RUNX2: variants seen among roughly 807,000 people sequenced by gnomAD.
The protein encoded by RUNX2 is RUNX family transcription factor 2, also known as runt-related transcription factor 2.
A neutral mutation model predicts 51.7 loss-of-function variants in RUNX2; 10 were observed. The observed-to-expected ratio is 0.19, with a 90% CI of 0.12 to 0.33. The LOEUF (loss-of-function observed/expected upper bound fraction) is 0.33. Among genes scored for constraint, RUNX2 ranks in the 10% least tolerant of loss-of-function variants. RUNX2 has a pLI of 1.00. For synonymous variants in RUNX2, 276 were observed against 273.6 expected, an observed-to-expected ratio of 1.01 and a Z score of -0.09; for missense variants, 562 against 691.3, an observed-to-expected ratio of 0.81 and a Z score of 2.10.
At chr6:45,421,616 T>G (rs1798190623) in intron 2 of RUNX2, 2 of 152,216 alleles carry the variant, frequency 1.3e-5, no homozygotes, top group African/African-American at 4.8e-5. Context: ...GGCTCTCTGG[T>G]GTCTCGGCTT....
chr6:45,498,472 T>C (rs961559147), intron 6 of RUNX2, among the ~76,000 whole-genome samples: 3 of 152,226 alleles, frequency 2.0e-5, no homozygotes, highest in Non-Finnish European at 4.4e-5. Flanking sequence ...CTGTCCATTA[T>C]ACATTATTTA....
chr6:45,527,258 G>A (rs2150435476), intron 7 of RUNX2, among the ~76,000 whole-genome samples: 1 of 152,266 alleles, frequency 6.6e-6, no homozygotes, highest in East Asian at 1.9e-4. Flanking sequence ...AGTTATGCAG[G>A]GCCACTACAG....
intron 5 of RUNX2, among the ~76,000 whole-genome samples, chr6:45,441,308 A>G (rs1028225969): frequency 6.6e-5 from 10 of 152,176 alleles, no homozygotes; most frequent in African/African-American, 2.4e-4. Flanking sequence ...GAACAAGGAC[A>G]AATTCTGGGT....
At chr6:45,499,834 C>T (rs1800750588) in intron 6 of RUNX2, among the ~76,000 whole-genome samples, 1 of 152,174 alleles carries the variant, frequency 6.6e-6, no homozygotes, top group South Asian at 2.1e-4. Context: ...ACTCTCCATG[C>T]AGAGGAAGTC....
At chr6:45,338,595 A>C (rs1257468545) in intron 2 of RUNX2, among the ~76,000 whole-genome samples, 2 of 152,092 alleles carry the variant, frequency 1.3e-5, no homozygotes, top group East Asian at 3.9e-4. Context: ...GAATTTAGGA[A>C]GCTCTGAGGG....
At chr6:45,408,402 T>C (rs1212770195) in intron 2 of RUNX2, among the ~76,000 whole-genome samples, 2 of 152,082 alleles carry the variant, frequency 1.3e-5, no homozygotes, top group African/African-American at 4.8e-5. Context: ...GATTTGGGAA[T>C]TGATTCTCTT....
intron 5 of RUNX2, among the ~76,000 whole-genome samples, chr6:45,485,986 A>G (rs781524414): frequency 2.6e-5 from 4 of 152,106 alleles, no homozygotes; most frequent in Middle Eastern, 3.4e-3. Context: ...ATTGAATACA[A>G]TACTATCTAC....
At chr6:45,527,221 T>G (rs1801697496) in intron 7 of RUNX2, among the ~76,000 whole-genome samples, 1 of 151,700 alleles carries the variant, frequency 6.6e-6, no homozygotes, top group Non-Finnish European at 1.5e-5. Flanking sequence ...GTAGATGACA[T>G]GAAGTTAGAG....
rs1478907889 is a variant in RUNX2, at chr6:45,431,898, G to A, written c.459G>A (p.Val153=). The A allele has an allele frequency of 1.2e-6, 2 of 1,614,030 alleles. No individual in the cohort carries two copies. Among genetic ancestry groups the A allele is most frequent in the African/African-American group, 1.3e-5 (1 of 74,918 alleles). The stretch of plus-strand genomic sequence containing the variant: ...TCGGAGAGGTACCAGATGGGACTGT[G>A]GTTACTGTCATGGCGGGTAACGATG... ...VALGEVPDGT[V]VTVMAGNDEN... The change falls in exon 4 of 9, where the codon GTG becomes GTA. Residue 153 remains valine, a synonymous_variant. Coordinates refer to ENST00000647337, the MANE Select transcript of RUNX2 (RefSeq NM_001024630.4).
intron 5 of RUNX2, among the ~76,000 whole-genome samples, chr6:45,446,753 T>C (rs1426503271): frequency 5.3e-5 from 8 of 152,198 alleles, no homozygotes; most frequent in Admixed American, 5.2e-4. Flanking sequence ...CTAAAGAACA[T>C]CTTTGGCCTT....
At position 45,358,984 on chromosome 6, in the gene RUNX2, T is replaced by C. The variant is rs555309246; in HGVS notation, c.58+30200T>C. Reference sequence around the variant, plus strand: ...GTGAATTTTTACCTATTTTTCCCCATATAACTAAGGATTTTCATCACAGAA... The same window carrying C: ...GTGAATTTTTACCTATTTTTCCCCACATAACTAAGGATTTTCATCACAGAA... On this transcript the variant is annotated intron_variant, in intron 2 of 8. Coordinates refer to ENST00000647337, the MANE Select transcript of RUNX2 (RefSeq NM_001024630.4). Among the ~76,000 whole-genome samples the C allele has an allele frequency of 2.0e-5, 3 of 152,224 alleles. No homozygotes were observed. In the East Asian group the frequency reaches 5.8e-4, roughly 29 times the overall value.
Position 45,530,871 on chromosome 6 carries a change from G to T in RUNX2, c.1022-14346G>T, listed in dbSNP as rs183065002. Among the ~76,000 whole-genome samples, 300 of 152,296 alleles carry T rather than the reference G, an allele frequency of 2.0e-3. 1 individual carries two copies. Among genetic ancestry groups the T allele is most frequent in the Non-Finnish European group, 3.4e-3 (229 of 68,018 alleles). On this transcript the variant is annotated intron_variant, in intron 7 of 8. Transcript: ENST00000647337. The stretch of plus-strand genomic sequence containing the variant: ...AATTAAGTGCAGGGGAAGATGGGAA[G>T]AATTTTAGCAACTAACTCCAAAGGT...
At chr6:45,344,600 C>A (rs553241676) in intron 2 of RUNX2, among the ~76,000 whole-genome samples, 52 of 152,184 alleles carry the variant, frequency 3.4e-4, no homozygotes, top group Non-Finnish European at 7.4e-4. Flanking sequence ...TAAGAGGCCA[C>A]AAAAAGCTAT....
intron 2 of RUNX2, among the ~76,000 whole-genome samples, chr6:45,337,247 TATA>T (rs1176092140): frequency 1.3e-5 from 2 of 151,702 alleles, no homozygotes; most frequent in Non-Finnish European, 3.0e-5. Flanking sequence ...ATTTTGCAAT[TATA>T]ATGTGTGATA....
In RUNX2 at chr6:45,352,659, T is replaced by G. The variant is rs73735384; in HGVS notation, c.58+23875T>G. 7.2e-3 allele frequency among the ~76,000 whole-genome samples: 1,097 copies of G among 152,292 alleles called. 19 individuals carry two copies. The highest frequency in any genetic ancestry group is 0.025 in the African/African-American group (1,045 of 41,580). The stretch of plus-strand genomic sequence containing the variant: ...TACAAGTAGAGTACTATGGAGCAAC[T>G]GTACCTAGTATTCTGTTTATAAGTA... On this transcript the variant is annotated intron_variant, in intron 2 of 8. Coordinates refer to ENST00000647337, the MANE Select transcript of RUNX2 (RefSeq NM_001024630.4).
intron 5 of RUNX2, among the ~76,000 whole-genome samples, chr6:45,454,427 C>A (rs1352506757): frequency 6.6e-6 from 1 of 152,222 alleles, no homozygotes; most frequent in Non-Finnish European, 1.5e-5. Flanking sequence ...GGAAGGAAAT[C>A]TGATGATCTA....
intron 2 of RUNX2, among the ~76,000 whole-genome samples, chr6:45,388,738 C>T (rs1486006395): frequency 6.6e-6 from 1 of 152,144 alleles, no homozygotes; most frequent in Non-Finnish European, 1.5e-5. Context: ...TAAAAATCTA[C>T]TGGTTTCTCT....
At chr6:45,329,000 A>C (rs1182212174) in intron 2 of RUNX2, among the ~76,000 whole-genome samples, 1 of 152,020 alleles carries the variant, frequency 6.6e-6, no homozygotes, top group Non-Finnish European at 1.5e-5. Context: ...TGAAATATAC[A>C]AAATTAAATT....
At chr6:45,506,948 G>T (rs1800986961) in intron 6 of RUNX2, among the ~76,000 whole-genome samples, 2 of 151,482 alleles carry the variant, frequency 1.3e-5, no homozygotes, top group Admixed American at 6.6e-5. Flanking sequence ...GAGCCACCGT[G>T]CCTGGCAACA....
Sources: allele counts gnomAD v4.1 joint callset (sites outside exome capture counted in the v4.1 genomes callset), GRCh38; gene constraint gnomAD v4.1.1; transcripts MANE v1.5; gene names NCBI Gene and HGNC (gene_info 2026-07-23, HGNC 2026-07-21).